TFDP2: variants seen among roughly 807,000 people sequenced by gnomAD.
TFDP2 encodes the protein transcription factor Dp-2.
In TFDP2, 17 loss-of-function variants were observed where a neutral mutation model predicts 59.3. The ratio of observed to expected loss-of-function variants is 0.29; its 90% CI spans 0.20 to 0.43. The LOEUF is 0.43. TFDP2 is among the 20% of genes least tolerant of loss of function. The probability of loss-of-function intolerance (pLI) is 1.00; values close to 1 mark genes in which losing one functional copy is unlikely to be tolerated. For synonymous variants in TFDP2, 180 were observed against 194.7 expected (o/e 0.92, Z 0.63); for missense variants, 391 against 528.8 (o/e 0.74, Z 2.56).
chr3:142,006,253 A>G (rs1944200880), intron 3 of TFDP2, among the ~76,000 whole-genome samples: 1 of 152,214 alleles, frequency 6.6e-6, no homozygotes, highest in Admixed American at 6.5e-5. Context: ...TTCCCCCAAC[A>G]AACTTCAGCT....
intron 3 of TFDP2, among the ~76,000 whole-genome samples, chr3:142,039,498 C>T (rs1008067839): frequency 3.3e-5 from 5 of 152,068 alleles, no homozygotes; most frequent in African/African-American, 7.2e-5. Context: ...GTAAACCTCC[C>T]ACCTCTCACA....
intron 3 of TFDP2, among the ~76,000 whole-genome samples, chr3:142,010,198 C>A (rs184062436): frequency 6.6e-6 from 1 of 150,956 alleles, no homozygotes; most frequent in South Asian, 2.1e-4. Flanking sequence ...GTTTATTTAA[C>A]CTACTCTTAT....
intron 3 of TFDP2, among the ~76,000 whole-genome samples, chr3:142,045,081 C>T (rs371512492): frequency 6.6e-6 from 1 of 151,708 alleles, no homozygotes; most frequent in Non-Finnish European, 1.5e-5. Flanking sequence ...CCTTTCTCAA[C>T]TTTTTCAAAG....
chr3:142,006,681 G>C (rs1186896766), intron 3 of TFDP2, among the ~76,000 whole-genome samples: 1 of 151,884 alleles, frequency 6.6e-6, no homozygotes, highest in Non-Finnish European at 1.5e-5. Context: ...TGCCCAGCCT[G>C]GTCTCAAACT....
At chr3:141,987,944 A>C (rs896216874) in intron 6 of TFDP2, among the ~76,000 whole-genome samples, 2 of 151,084 alleles carry the variant, frequency 1.3e-5, no homozygotes, top group Non-Finnish European at 2.9e-5. Context: ...GCCTCAAAAA[A>C]AAAAGAAAAG....
At chr3:141,967,547 G>A (rs746730275) in intron 9 of TFDP2, among the ~76,000 whole-genome samples, 4 of 152,092 alleles carry the variant, frequency 2.6e-5, no homozygotes, top group Non-Finnish European at 4.4e-5. Context: ...GCCCGTCTCC[G>A]CCTCCCAAAG....
chr3:141,971,374 T>TA (rs56219575), intron 8 of TFDP2, among the ~76,000 whole-genome samples: 1,507 of 79,960 alleles, frequency 0.019, 21 homozygotes, highest in South Asian at 0.057. Flanking sequence ...TCGTCTCTAC[T>TA]AAAAAAAAAA....
At chr3:141,953,044 G>T (rs1211010573) in intron 11 of TFDP2, 28 bp from the exon 12 acceptor site, 4 of 1,553,850 alleles carry the variant, frequency 2.6e-6, no homozygotes, top group Non-Finnish European at 8.9e-7. Flanking sequence ...AACAAAAAAT[G>T]TCGGTCCTGC....
chr3:142,047,653 G>T (rs1452680148), intron 3 of TFDP2, among the ~76,000 whole-genome samples: 2 of 151,430 alleles, frequency 1.3e-5, no homozygotes, highest in Non-Finnish European at 2.9e-5. Flanking sequence ...TTCATTTTAG[G>T]TTGACATATC....
At chr3:141,959,558 T>C in intron 11 of TFDP2, 116 bp downstream of exon 11, 8 of 1,119,694 alleles carry the variant, frequency 7.1e-6, no homozygotes, top group Non-Finnish European at 9.1e-6. Context: ...AGGTTTCAGT[T>C]TGTCGACACA....
At chr3:141,995,872 A>G (rs1943222102) in intron 4 of TFDP2, among the ~76,000 whole-genome samples, 1 of 147,980 alleles carries the variant, frequency 6.8e-6, no homozygotes, top group South Asian at 2.2e-4. Flanking sequence ...AAAAAGAGCA[A>G]AACTCCATTT....
intron 6 of TFDP2, among the ~76,000 whole-genome samples, chr3:141,980,349 A>G (rs1289363127): frequency 1.3e-5 from 2 of 152,124 alleles, no homozygotes; most frequent in African/African-American, 2.4e-5. Context: ...ATGATTAATC[A>G]GGGTAATTGG....
intron 3 of TFDP2, among the ~76,000 whole-genome samples, chr3:142,008,589 C>G (rs950867864): frequency 4.6e-5 from 7 of 152,110 alleles, no homozygotes; most frequent in African/African-American, 1.7e-4. Context: ...CTCTACTGAG[C>G]CAACTCCTAC....
intron 1 of TFDP2, among the ~76,000 whole-genome samples, chr3:142,147,058 C>CAAAAA (rs3070389): frequency 1.9e-5 from 2 of 105,116 alleles, no homozygotes; most frequent in African/African-American, 6.3e-5. Context: ...AACCCTGTCT[C>CAAAAA]AAAAAAAAAA....
chr3:141,987,643 C>T (rs1314304775), intron 6 of TFDP2, among the ~76,000 whole-genome samples: 1 of 150,506 alleles, frequency 6.6e-6, no homozygotes, highest in Admixed American at 6.6e-5. Flanking sequence ...AGACATTCTT[C>T]TCGGCCGGGT....
At chr3:141,988,236 G>A (rs1238185226) in intron 6 of TFDP2, among the ~76,000 whole-genome samples, 4 of 151,960 alleles carry the variant, frequency 2.6e-5, no homozygotes, top group South Asian at 2.1e-4. Context: ...GTGAGCCACC[G>A]TGCCTGGCCT....
chr3:141,954,309 C>T (rs959675468), intron 11 of TFDP2, among the ~76,000 whole-genome samples: 3 of 152,092 alleles, frequency 2.0e-5, no homozygotes, highest in Non-Finnish European at 4.4e-5. Context: ...TTCCCATCTA[C>T]AGTGTTAGCT....
intron 1 of TFDP2, among the ~76,000 whole-genome samples, chr3:142,110,221 C>T (rs1334472363): frequency 2.0e-5 from 3 of 151,966 alleles, no homozygotes; most frequent in African/African-American, 7.2e-5. Flanking sequence ...AAAAAAAATG[C>T]AGCCAGGCAC....
chr3:142,083,260 G>A (rs990045330), intron 3 of TFDP2, among the ~76,000 whole-genome samples: 1 of 152,014 alleles, frequency 6.6e-6, no homozygotes, highest in Admixed American at 6.6e-5. Context: ...CCCATTTATA[G>A]TAGATACAAA....
Sources: gnomAD v4.1 joint callset for allele counts (sites outside exome capture counted in the v4.1 genomes callset) on GRCh38, gnomAD v4.1.1 for gene constraint, MANE v1.5 for transcripts, NCBI Gene and HGNC (gene_info 2026-07-23, HGNC 2026-07-21) for gene names.